EVI5: variants seen among roughly 807,000 people sequenced by gnomAD.
EVI5 encodes the protein ecotropic viral integration site 5 protein homolog.
Under a neutral mutation model 112.0 loss-of-function variants are expected in EVI5, and 73 were observed. The ratio of observed to expected loss-of-function variants is 0.65; its 90% CI spans 0.54 to 0.79. EVI5 has a LOEUF of 0.79. Among genes scored for constraint, EVI5 ranks in the 30% least tolerant of loss-of-function variants. The pLI is 0.00. For synonymous variants in EVI5, 305 were observed against 319.9 expected (o/e 0.95, Z 0.50); for missense variants, 900 against 968.8 (o/e 0.93, Z 0.94).
At chr1:92,699,423 G>A (rs1470602511) in intron 5 of EVI5, among the ~76,000 whole-genome samples, 1 of 152,040 alleles carries the variant, frequency 6.6e-6, no homozygotes, top group East Asian at 1.9e-4. Flanking sequence ...TTTTCCAAAT[G>A]TTCCTCTCTT....
chr1:92,611,276 TAAAGGAAGG>T (rs1557896679), intron 16 of EVI5, among the ~76,000 whole-genome samples: 1 of 151,876 alleles, frequency 6.6e-6, no homozygotes, highest in African/African-American at 2.4e-5. Context: ...CTGAGATCTA[TAAAGGAAGG>T]GTAATGAAAT....
chr1:92,629,623 A>C (rs1471833790), intron 14 of EVI5, among the ~76,000 whole-genome samples: 1 of 152,158 alleles, frequency 6.6e-6, no homozygotes, highest in South Asian at 2.1e-4. Context: ...TCTAGATTGG[A>C]CAGTTCTAAC....
At chr1:92,765,418 T>C (rs147886389) in intron 1 of EVI5, among the ~76,000 whole-genome samples, 11 of 151,696 alleles carry the variant, frequency 7.3e-5, no homozygotes, top group East Asian at 3.9e-4. Flanking sequence ...GCTATTTATA[T>C]TGACCACCAA....
At chr1:92,719,110 A>G (rs1674305890) in intron 2 of EVI5, among the ~76,000 whole-genome samples, 1 of 152,198 alleles carries the variant, frequency 6.6e-6, no homozygotes, top group African/African-American at 2.4e-5. Context: ...GAATTCTACC[A>G]GAGGTACAAA....
At chr1:92,552,115 C>T (rs1667032465) in intron 19 of EVI5, among the ~76,000 whole-genome samples, 2 of 85,528 alleles carry the variant, frequency 2.3e-5, no homozygotes, top group East Asian at 7.7e-4. Flanking sequence ...ACTAATGGGG[C>T]TGTAGGGAAA....
At chr1:92,662,918 G>T in intron 12 of EVI5, 53 bp from the exon 13 acceptor site, 2 of 1,004,692 alleles carry the variant, frequency 2.0e-6, no homozygotes, top group South Asian at 2.0e-5. Flanking sequence ...ATTCAAGAAA[G>T]ACTGCCTTTG....
intron 19 of EVI5, among the ~76,000 whole-genome samples, chr1:92,561,599 CTAAT>C (rs756047394): frequency 2.6e-4 from 38 of 145,958 alleles, no homozygotes; most frequent in African/African-American, 5.8e-4. Flanking sequence ...ATCTATCTAT[CTAAT>C]CTATCCTATC....
intron 9 of EVI5, 28 bp from the exon 10 acceptor site, chr1:92,677,246 G>C: frequency 7.7e-7 from 1 of 1,296,210 alleles, no homozygotes. Flanking sequence ...AAGAGTTAAA[G>C]GTAATGTTTT....
At chr1:92,776,601 A>G (rs931422726) in intron 1 of EVI5, among the ~76,000 whole-genome samples, 2 of 151,934 alleles carry the variant, frequency 1.3e-5, no homozygotes, top group African/African-American at 2.4e-5. Context: ...ATTGGATTTA[A>G]GCATTACTAA....
chr1:92,535,744 C>A (rs1340190284), intron 19 of EVI5, among the ~76,000 whole-genome samples: 2 of 151,986 alleles, frequency 1.3e-5, no homozygotes, highest in Non-Finnish European at 2.9e-5. Flanking sequence ...GAACATCACA[C>A]ACCGGGGCCT....
chr1:92,776,323 T>C (rs1226770466), intron 1 of EVI5, among the ~76,000 whole-genome samples: 2 of 152,102 alleles, frequency 1.3e-5, no homozygotes, highest in South Asian at 2.1e-4. Flanking sequence ...ATGAACTTCA[T>C]GGTAAAAATT....
At chr1:92,571,363 C>T (rs1670302314) in intron 18 of EVI5, among the ~76,000 whole-genome samples, 1 of 151,788 alleles carries the variant, frequency 6.6e-6, no homozygotes, top group Admixed American at 6.6e-5. Flanking sequence ...AGTTAGAAAG[C>T]TCTGAATGGG....
chr1:92,755,068 GTT>G (rs3216193), intron 1 of EVI5, among the ~76,000 whole-genome samples: 2 of 33,598 alleles, frequency 6.0e-5, no homozygotes, highest in Non-Finnish European at 1.3e-4. Context: ...GTGAACATAG[GTT>G]TTTTTTTTTT....
At chr1:92,715,261 G>A (rs1272377397) in intron 2 of EVI5, among the ~76,000 whole-genome samples, 4 of 151,956 alleles carry the variant, frequency 2.6e-5, no homozygotes, top group Admixed American at 6.6e-5. Flanking sequence ...CACCCGCCTC[G>A]GCCTCCCAAA....
At chr1:92,768,049 C>T (rs989825325) in intron 1 of EVI5, among the ~76,000 whole-genome samples, 18 of 141,618 alleles carry the variant, frequency 1.3e-4, no homozygotes, top group African/African-American at 4.5e-4. Flanking sequence ...CACTGCACTC[C>T]AACCTGGGCA....
intron 1 of EVI5, among the ~76,000 whole-genome samples, chr1:92,765,176 CT>C (rs1260900778): frequency 6.8e-6 from 1 of 147,908 alleles, no homozygotes; most frequent in Admixed American, 6.8e-5. Context: ...TTATATATAT[CT>C]TCAATTTCAT....
At chr1:92,685,752 G>C (rs1468528793) in intron 9 of EVI5, among the ~76,000 whole-genome samples, 1 of 152,164 alleles carries the variant, frequency 6.6e-6, no homozygotes, top group East Asian at 1.9e-4. Context: ...ACAACCATCA[G>C]AGAATACTAT....
At chr1:92,617,450 G>A (rs1211845244) in intron 16 of EVI5, among the ~76,000 whole-genome samples, 1 of 152,150 alleles carries the variant, frequency 6.6e-6, no homozygotes, top group Non-Finnish European at 1.5e-5. Flanking sequence ...CTCACCAACG[G>A]GTGACCTCAG....
At chr1:92,723,656 A>G (rs1236160871) in intron 2 of EVI5, among the ~76,000 whole-genome samples, 1 of 152,208 alleles carries the variant, frequency 6.6e-6, no homozygotes, top group Non-Finnish European at 1.5e-5. Context: ...GTGTTTGAAC[A>G]ATAGAAAATC....
Sources: allele counts gnomAD v4.1 joint callset (sites outside exome capture counted in the v4.1 genomes callset), GRCh38; gene constraint gnomAD v4.1.1; transcripts MANE v1.5; gene names NCBI Gene and HGNC (gene_info 2026-07-23, HGNC 2026-07-21).